The following RHBDD2 variants were observed in gnomAD, a reference collection of about 807,000 sequenced individuals.
The protein encoded by RHBDD2 is rhomboid domain-containing protein 2.
RHBDD2 carries 13 observed loss-of-function variants against 21.7 expected under a neutral mutation model. The observed-to-expected ratio is 0.60, with a 90% CI of 0.39 to 0.95. The LOEUF (loss-of-function observed/expected upper bound fraction) is 0.95, where lower values mean the gene tolerates loss of function less well. Among genes scored for constraint, RHBDD2 ranks in the 40% least tolerant of loss-of-function variants. The pLI, the probability that RHBDD2 is intolerant of heterozygous loss-of-function variation, is 0.00. For missense variants in RHBDD2, 473 were observed against 478.9 expected, an observed-to-expected ratio of 0.99 and a Z score of 0.11; for synonymous variants, 225 against 220.0, an observed-to-expected ratio of 1.02 and a Z score of -0.20.
Position 75,888,040 on chromosome 7 carries a change from C to T in RHBDD2, c.786C>T (p.His262=), listed in dbSNP as rs374453506. The T allele has an allele frequency of 6.2e-7, 1 of 1,613,690 alleles. No individual in the cohort carries two copies. Residue 262 remains histidine (H), a synonymous_variant, in exon 4 of 4, where the codon CAC becomes CAT. Coordinates refer to ENST00000006777, the MANE Select transcript of RHBDD2 (RefSeq NM_001040456.3). ...GSYPTQSCHP[H]LSPSHPVSQT... The stretch of plus-strand genomic sequence containing the variant: ...ACCCCACACAGAGCTGCCACCCTCA[C>T]CTGTCCCCAAGCCACCCTGTGTCCC...
At chr7:75,880,447 A>G (rs2115980024) in intron 1 of RHBDD2, 1 of 152,308 alleles carries the variant, frequency 6.6e-6, no homozygotes, top group South Asian at 2.1e-4. Context: ...TCTGGGGTTC[A>G]CTGCTTCCCT....
In RHBDD2 at chr7:75,879,198, T is replaced by TGCA. The variant is rs1563373706; in HGVS notation, c.122_124dup (p.Gln41dup). The TGCA allele has an allele frequency of 6.6e-7, 1 of 1,520,390 alleles. No individual in the cohort carries two copies. 94.2% of individuals were successfully genotyped at this position (1,520,390 alleles called of 1,614,324 possible). A position where few individuals can be genotyped will look rare whatever the true frequency, so the allele number is the denominator to read the frequency against. On this transcript the variant is annotated inframe_insertion, in exon 1 of 4. Transcript: ENST00000006777. Reference sequence around the variant, plus strand: ...GTTTCCGGGCCTCGCCTGTTCCTGCTGCAGCAGCCCCTGGCGCCCTCGGGC... The same window carrying TGCA: ...GTTTCCGGGCCTCGCCTGTTCCTGCTGCAGCAGCAGCCCCTGGCGCCCTCGGGC...
At chr7:75,882,291 C>A in intron 2 of RHBDD2, 55 bp downstream of exon 2, 1 of 1,474,952 alleles carries the variant, frequency 6.8e-7, no homozygotes, top group Non-Finnish European at 9.2e-7. Flanking sequence ...GTGAACCAGG[C>A]TGGAGGGTCT....
At chr7:75,881,702 T>G in intron 1 of RHBDD2, 127 bp from the exon 2 acceptor site, 2 of 1,037,094 alleles carry the variant, frequency 1.9e-6, no homozygotes, top group Non-Finnish European at 2.8e-6. Flanking sequence ...TGCCTCCTGC[T>G]GCGACTCACT....
intron 3 of RHBDD2, among the ~76,000 whole-genome samples, chr7:75,884,126 CTTGTGA>C (rs1388023474): frequency 6.6e-6 from 1 of 152,180 alleles, no homozygotes; most frequent in Non-Finnish European, 1.5e-5. Flanking sequence ...AACTCCTGAC[CTTGTGA>C]TTTACCTGCC....
Position 75,881,774 on chromosome 7 carries a change from GC to G in RHBDD2, c.179-54del, listed in dbSNP as rs529140175. The G allele has an allele frequency of 1.7e-3, 2,573 of 1,518,070 alleles. 51 individuals are homozygous for G. The South Asian group carries it at 0.031, about 18-fold the overall frequency. The allele number at this position is 1,518,070 out of a possible 1,614,324, so 94.0% of individuals were successfully genotyped here. On this transcript the variant is annotated intron_variant, in intron 1 of 3. Transcript: ENST00000006777. ...CCTTTCCTAGGCGGCTTATAACCTG[GC>G]TTCCCTCCTGGGAGCAACCCGCCGC...
chr7:75,886,123 G>A (rs782696323), intron 3 of RHBDD2, among the ~76,000 whole-genome samples: 2 of 152,136 alleles, frequency 1.3e-5, no homozygotes, highest in African/African-American at 4.8e-5. Flanking sequence ...TTTTTGGCCC[G>A]CCACCAGCTG....
rs1281377594 is a variant in RHBDD2, at chr7:75,887,936, G to A, written c.738-56G>A. 31 of 1,469,212 alleles carry A rather than the reference G, an allele frequency of 2.1e-5. No homozygotes were observed. The African/African-American group carries it at 3.9e-4, about 18-fold the overall frequency. The allele number at this position is 1,469,212 out of a possible 1,614,324, so 91.0% of individuals were successfully genotyped here. A position where few individuals can be genotyped will look rare whatever the true frequency, so the allele number is the denominator to read the frequency against. On this transcript the variant is annotated intron_variant, in intron 3 of 3. Transcript: ENST00000006777. ...GCGGGGGCAACCTCAAGCACAAGAT[G>A]CCATGACCTTGCCAAGACTCGCTGA...
rs1382887494 is a variant in RHBDD2 at position 75,882,171 on chromosome 7, C to T, written c.521C>T (p.Ala174Val). ...CTGGTTCCGTGGCTCCTGCTGGGTGCCTCGTGGCTCATTCCCCAGACCTCT... is the reference window on the plus strand; with the variant it reads ...CTGGTTCCGTGGCTCCTGCTGGGTGTCTCGTGGCTCATTCCCCAGACCTCT... ...SVLVPWLLLG[A>V]SWLIPQTSFL... The change falls in exon 2 of 4, where the codon GCC (alanine) becomes GTC (valine). Residue 174 changes from alanine (A) to valine (V), a missense_variant. By Grantham distance (64) the Ala-to-Val change is moderately conservative. Coordinates refer to ENST00000006777, the MANE Select transcript of RHBDD2 (RefSeq NM_001040456.3). The T allele has an allele frequency of 6.8e-6, 11 of 1,614,120 alleles. No homozygotes were observed. The East Asian group carries it at 1.8e-4, about 26-fold the overall frequency.
rs782514210 is a variant in RHBDD2, at chr7:75,879,273, G to C, written c.178+13G>C. On this transcript the variant is annotated intron_variant, in intron 1 of 3. Coordinates refer to ENST00000006777, the MANE Select transcript of RHBDD2 (RefSeq NM_001040456.3). ...CGCAACTGGCAAGGTGAGCAGGGGCGGGCCGGGATCGCGGGGCGAGTCCTT... is the reference window on the plus strand; with the variant it reads ...CGCAACTGGCAAGGTGAGCAGGGGCCGGCCGGGATCGCGGGGCGAGTCCTT... 64 of 1,467,920 alleles carry C rather than the reference G, an allele frequency of 4.4e-5. 1 individual carries two copies. Among genetic ancestry groups the C allele is most frequent in the South Asian group, 1.3e-4 (10 of 77,448 alleles). 90.9% of individuals were successfully genotyped at this position (1,467,920 alleles called of 1,614,324 possible).
rs1554542618 is a variant in RHBDD2, at chr7:75,881,936, A to G, written c.286A>G (p.Thr96Ala). 1.5e-5 allele frequency: 25 copies of G among 1,614,054 alleles called. No homozygotes were observed. Among genetic ancestry groups the G allele is most frequent in the Non-Finnish European group, 2.0e-5 (24 of 1,180,044 alleles). The change falls in exon 2 of 4, where the codon ACC becomes GCC. Residue 96 changes from threonine (T) to alanine (A), a missense_variant. Coordinates refer to ENST00000006777, the MANE Select transcript of RHBDD2 (RefSeq NM_001040456.3). ...FAGNFERTVG[T>A]VRHCFFTVIF... is the part of the protein sequence containing the mutation. ...TGGCAATTTCGAGAGAACCGTGGGC[A>G]CCGTCCGCCACTGCTTCTTCACCGT...
At chr7:75,881,705 G>C (rs150113538) in intron 1 of RHBDD2, 124 bp from the exon 2 acceptor site, 35 of 1,061,580 alleles carry the variant, frequency 3.3e-5, no homozygotes, top group South Asian at 4.7e-5. Flanking sequence ...CTCCTGCTGC[G>C]ACTCACTGGC....
In RHBDD2 at chr7:75,888,074, C is replaced by G; in HGVS notation, c.820C>G (p.His274Asp). 6.2e-7 allele frequency: 1 copy of G among 1,613,838 alleles called. No homozygotes were observed. The highest frequency in any genetic ancestry group is 8.5e-7 in the Non-Finnish European group (1 of 1,180,036). ...AAGCCACCCTGTGTCCCAGACGCAGCACGCCAGTGGTCAGAAGCTGGCCTC... is the reference window on the plus strand; with the variant it reads ...AAGCCACCCTGTGTCCCAGACGCAGGACGCCAGTGGTCAGAAGCTGGCCTC... ...SPSHPVSQTQ[H>D]ASGQKLASWP... Residue 274 changes from histidine to aspartate, a missense_variant, in exon 4 of 4, where the codon CAC becomes GAC. Physicochemically the swap from His to Asp is moderately conservative, Grantham distance 81. Coordinates refer to ENST00000006777, the MANE Select transcript of RHBDD2 (RefSeq NM_001040456.3).
intron 3 of RHBDD2, 53 bp downstream of exon 3, chr7:75,883,901 T>TA (rs1392225371): frequency 6.7e-5 from 55 of 821,528 alleles, no homozygotes; most frequent in African/African-American, 4.0e-4. Context: ...AAAAAAATTA[T>TA]TTTTTTTTTT....
At chr7:75,883,079 A>G (rs1372108358) in intron 2 of RHBDD2, among the ~76,000 whole-genome samples, 1 of 152,170 alleles carries the variant, frequency 6.6e-6, no homozygotes, top group Non-Finnish European at 1.5e-5. Flanking sequence ...ATCCTGCTAC[A>G]CCAGCAGAGG....
At chr7:75,885,637 A>C (rs1485057410) in intron 3 of RHBDD2, among the ~76,000 whole-genome samples, 13 of 152,294 alleles carry the variant, frequency 8.5e-5, no homozygotes, top group African/African-American at 3.1e-4. Context: ...AGGCTACACT[A>C]GGATCATGGC....
Position 75,879,081 on chromosome 7 carries a change from C to T in RHBDD2, c.-2C>T, listed in dbSNP as rs1017263950. The T allele has an allele frequency of 6.0e-5, 82 of 1,361,634 alleles. No homozygotes were observed. The highest frequency in any genetic ancestry group is 7.1e-5 in the Non-Finnish European group (75 of 1,051,518). The allele number at this position is 1,361,634 out of a possible 1,614,324, so 84.3% of individuals were successfully genotyped here. A position where few individuals can be genotyped will look rare whatever the true frequency, so the allele number is the denominator to read the frequency against. ...AGGCGGGGCGCGGGAACGACGGCGG[C>T]CATGGCGGCCTCGGGGCCCGGGTGT... On this transcript the variant is annotated 5_prime_UTR_variant, in exon 1 of 4. Coordinates refer to ENST00000006777, the MANE Select transcript of RHBDD2 (RefSeq NM_001040456.3).
At position 75,881,884 on chromosome 7, in the gene RHBDD2, C is replaced by T. The variant is rs782071802; in HGVS notation, c.234C>T (p.Cys78=). The change falls in exon 2 of 4, where the codon TGC becomes TGT. Residue 78 remains cysteine (C), a synonymous_variant. Transcript: ENST00000006777. The part of the protein sequence containing the change: ...FVYENPISLL[C]GAIIIWRFAG... ...ACGAGAATCCCATCTCCCTGCTCTG[C>T]GGCGCTATCATCATCTGGCGCTTTG... is the stretch of plus-strand genomic sequence containing the variant. The T allele has an allele frequency of 1.2e-5, 19 of 1,613,750 alleles. No individual in the cohort carries two copies. The highest frequency in any genetic ancestry group is 1.5e-5 in the Non-Finnish European group (18 of 1,179,808).
Position 75,879,066 on chromosome 7 carries a change from C to G in RHBDD2, c.-17C>G, listed in dbSNP as rs781853723. 4.2e-5 allele frequency: 58 copies of G among 1,365,312 alleles called. No homozygotes were observed. The highest frequency in any genetic ancestry group is 6.1e-5 in the African/African-American group (4 of 65,122). The allele number at this position is 1,365,312 out of a possible 1,614,324, so 84.6% of individuals were successfully genotyped here. On this transcript the variant is annotated 5_prime_UTR_variant, in exon 1 of 4. Coordinates refer to ENST00000006777, the MANE Select transcript of RHBDD2 (RefSeq NM_001040456.3). ...CGGCAGCCGGCGTCGAGGCGGGGCG[C>G]GGGAACGACGGCGGCCATGGCGGCC...
Sources: gnomAD v4.1 joint callset for allele counts (sites outside exome capture counted in the v4.1 genomes callset) on GRCh38, gnomAD v4.1.1 for gene constraint, MANE v1.5 for transcripts, NCBI Gene and HGNC (gene_info 2026-07-23, HGNC 2026-07-21) for gene names.